COL23A1: variants seen among roughly 807,000 people sequenced by gnomAD.
The protein encoded by COL23A1 is collagen type XXIII alpha 1 chain.
A neutral mutation model predicts 99.3 loss-of-function variants in COL23A1; 97 were observed. That is an observed-to-expected ratio of 0.98 (90% CI 0.83 to 1.16). COL23A1 has a LOEUF of 1.16. Ranked by LOEUF, COL23A1 falls within the 50% of genes most tolerant of loss-of-function variation. COL23A1 has a pLI of 0.00. For synonymous variants in COL23A1, 320 were observed against 308.2 expected (o/e 1.04, Z -0.40); for missense variants, 762 against 757.4 (o/e 1.01, Z -0.07).
At chr5:178,259,088 T>A (rs1002413472) in intron 12 of COL23A1, among the ~76,000 whole-genome samples, 28 of 151,932 alleles carry the variant, frequency 1.8e-4, no homozygotes, top group African/African-American at 6.8e-4. Flanking sequence ...GGCTAATTTA[T>A]TTTTGGATTT....
intron 2 of COL23A1, among the ~76,000 whole-genome samples, chr5:178,403,120 A>T (rs962837946): frequency 1.5e-4 from 13 of 89,634 alleles, no homozygotes; most frequent in Admixed American, 9.9e-4. Flanking sequence ...AAAAAAAAAA[A>T]AATAAATAAA....
intron 2 of COL23A1, among the ~76,000 whole-genome samples, chr5:178,311,738 G>GTT (rs146117577): frequency 2.2e-4 from 7 of 32,050 alleles, no homozygotes; most frequent in African/African-American, 4.3e-4. Flanking sequence ...GTTTTGTTTT[G>GTT]TTTTTTTTTT....
chr5:178,477,751 T>C lies in COL23A1; in HGVS notation c.361+82931A>G, dbSNP rs573648487. 1.1e-4 allele frequency among the ~76,000 whole-genome samples: 16 copies of C among 152,224 alleles called. No homozygotes were observed. The South Asian group carries it at 1.7e-3, about 16-fold the overall frequency. ...CCTTCCCGCTCTTCCCTGGAGAAGG[T>C]AGAATAGGGAGAGGAAAGCCTTGTT... On this transcript the variant is annotated intron_variant, in intron 2 of 28. Coordinates refer to ENST00000390654, the MANE Select transcript of COL23A1 (RefSeq NM_173465.4).
chr5:178,495,222 G>A (rs1425134893), intron 2 of COL23A1, among the ~76,000 whole-genome samples: 2 of 152,250 alleles, frequency 1.3e-5, no homozygotes, highest in East Asian at 3.9e-4. Context: ...GGCTCCCGGT[G>A]TGGCTGAGAT....
chr5:178,467,294 TG>T (rs1756473282), intron 2 of COL23A1, among the ~76,000 whole-genome samples: 1 of 152,202 alleles, frequency 6.6e-6, no homozygotes, highest in Non-Finnish European at 1.5e-5. Context: ...TAGAAATGTG[TG>T]GGTCTTGCCC....
At chr5:178,362,324 G>A (rs1415196420) in intron 2 of COL23A1, among the ~76,000 whole-genome samples, 1 of 152,144 alleles carries the variant, frequency 6.6e-6, no homozygotes, top group East Asian at 1.9e-4. Flanking sequence ...CGGGGTTGGT[G>A]GGGGCATGTC....
chr5:178,442,064 C>T (rs1445134243), intron 2 of COL23A1, among the ~76,000 whole-genome samples: 3 of 152,114 alleles, frequency 2.0e-5, no homozygotes, highest in Admixed American at 2.0e-4. Context: ...TCTGGGACGT[C>T]CAACTGAGAA....
intron 7 of COL23A1, among the ~76,000 whole-genome samples, chr5:178,267,934 C>A (rs2127560105): frequency 6.6e-6 from 1 of 152,304 alleles, no homozygotes; most frequent in East Asian, 1.9e-4. Flanking sequence ...GAAACTGAGG[C>A]CCACACAGCC....
At chr5:178,489,975 T>C (rs1757841556) in intron 2 of COL23A1, among the ~76,000 whole-genome samples, 1 of 152,152 alleles carries the variant, frequency 6.6e-6, no homozygotes, top group Non-Finnish European at 1.5e-5. Flanking sequence ...GGTTCACTCC[T>C]GTAATCCCAG....
At chr5:178,382,319 T>C (rs947162814) in intron 2 of COL23A1, among the ~76,000 whole-genome samples, 2 of 152,148 alleles carry the variant, frequency 1.3e-5, no homozygotes, top group African/African-American at 4.8e-5. Flanking sequence ...TCCAGGGCTT[T>C]TGTGTTTGTT....
At chr5:178,349,003 C>T (rs1193085415) in intron 2 of COL23A1, among the ~76,000 whole-genome samples, 1 of 152,088 alleles carries the variant, frequency 6.6e-6, no homozygotes, top group African/African-American at 2.4e-5. Flanking sequence ...TGCAAAGGTG[C>T]TCTGCTCAAC....
intron 2 of COL23A1, among the ~76,000 whole-genome samples, chr5:178,545,342 C>T (rs1057149892): frequency 2.6e-5 from 4 of 152,172 alleles, no homozygotes; most frequent in African/African-American, 4.8e-5. Flanking sequence ...GAGGCTACTT[C>T]TAAAGACATG....
intron 2 of COL23A1, among the ~76,000 whole-genome samples, chr5:178,478,070 C>A (rs936654472): frequency 2.0e-5 from 3 of 152,174 alleles, no homozygotes; most frequent in Non-Finnish European, 4.4e-5. Context: ...AGGGAAGAGG[C>A]TGGGCCTGGG....
intron 2 of COL23A1, among the ~76,000 whole-genome samples, chr5:178,454,069 T>C (rs1026291404): frequency 6.6e-6 from 1 of 152,190 alleles, no homozygotes; most frequent in Non-Finnish European, 1.5e-5. Flanking sequence ...TCCGTCTTCA[T>C]ACGGTGGAGC....
rs35457274 is a variant in COL23A1, at chr5:178,415,136, TG to T, written c.362-108218del. The stretch of plus-strand genomic sequence containing the variant: ...GCTGGTTCTCTCTGCCCCAGTGAGC[TG>T]GGCTGCTTGGATTCAGCCTCTGACT... On this transcript the variant is annotated intron_variant, in intron 2 of 28. Transcript: ENST00000390654. The surrounding 1 kb of genome is among the most constrained non-coding windows in gnomAD (Gnocchi z 4.6). Among the ~76,000 whole-genome samples, 48,896 of 152,076 alleles carry T rather than the reference TG, an allele frequency of 0.32. 8,052 individuals carry two copies. Among genetic ancestry groups the T allele is most frequent in the African/African-American group, 0.4 (16,598 of 41,450 alleles).
intron 2 of COL23A1, among the ~76,000 whole-genome samples, chr5:178,320,942 G>A (rs1759267270): frequency 6.6e-6 from 1 of 152,226 alleles, no homozygotes; most frequent in Non-Finnish European, 1.5e-5. Flanking sequence ...GGCAGGCTGT[G>A]CGCTCAGCCA....
At position 178,262,166 on chromosome 5, in the gene COL23A1, G is replaced by A; in HGVS notation, c.675+51C>T. ...GTGTGGGAAAGGGGCTTCCAGGTCT[G>A]GGAACCATGATCCTAGCAGCCCAGG... On this transcript the variant is annotated intron_variant, in intron 10 of 28. Coordinates refer to ENST00000390654, the MANE Select transcript of COL23A1 (RefSeq NM_173465.4). The A allele has an allele frequency of 2.6e-6, 4 of 1,552,598 alleles. No individual in the cohort carries two copies. In the Admixed American group the frequency reaches 5.8e-5, roughly 23 times the overall value.
chr5:178,429,365 C>T (rs1265827176), intron 2 of COL23A1, among the ~76,000 whole-genome samples: 23 of 152,196 alleles, frequency 1.5e-4, no homozygotes, highest in Admixed American at 1.5e-3. Context: ...TGCCCTGCTT[C>T]CCCGGCCTGA....
chr5:178,579,746 C>G (rs1763566462), intron 1 of COL23A1, among the ~76,000 whole-genome samples: 1 of 152,148 alleles, frequency 6.6e-6, no homozygotes, highest in Non-Finnish European at 1.5e-5. Flanking sequence ...GCCACCGCGT[C>G]TGGCCAAGGC....
Sources: allele counts gnomAD v4.1 joint callset (sites outside exome capture counted in the v4.1 genomes callset), GRCh38; gene constraint gnomAD v4.1.1; non-coding constraint Gnocchi (gnomAD v3.1); transcripts MANE v1.5; gene names NCBI Gene and HGNC (gene_info 2026-07-23, HGNC 2026-07-21).